Variants in ATAD3C observed in about 807,000 individuals in gnomAD.
The protein encoded by ATAD3C is ATPase family AAA domain-containing protein 3C.
A neutral mutation model predicts 46.3 loss-of-function variants in ATAD3C; 38 were observed. The ratio of observed to expected loss-of-function variants is 0.82; its 90% CI spans 0.63 to 1.08. ATAD3C has a LOEUF of 1.08. Among genes scored for constraint, ATAD3C ranks in the 50% least tolerant of loss-of-function variants. The pLI is 0.00. For synonymous variants in ATAD3C, 220 were observed against 236.4 expected (o/e 0.93, Z 0.63); for missense variants, 563 against 572.7 (o/e 0.98, Z 0.17).
At position 1,450,651 on chromosome 1, in the gene ATAD3C, C is replaced by T. The variant is rs768833292; in HGVS notation, c.-33C>T. 1.3e-6 allele frequency: 2 copies of T among 1,599,682 alleles called. No individual in the cohort carries two copies. Among genetic ancestry groups the T allele is most frequent in the South Asian group, 1.1e-5 (1 of 89,512 alleles). On this transcript the variant is annotated 5_prime_UTR_variant, in exon 1 of 12. Transcript: ENST00000378785. Reference sequence around the variant, plus strand: ...GCCCAGCGGCATCCGTGTATCCTAACACCTGCCCTCCGTGTCCCTGCATCT... The same window carrying T: ...GCCCAGCGGCATCCGTGTATCCTAATACCTGCCCTCCGTGTCCCTGCATCT...
chr1:1,458,406 C>T (rs1250270008), intron 8 of ATAD3C, among the ~76,000 whole-genome samples: 1 of 151,768 alleles, frequency 6.6e-6, no homozygotes, highest in Admixed American at 6.6e-5. Flanking sequence ...TCCCAAGTAG[C>T]TGGGATTACA....
chr1:1,459,017 C>CG lies in ATAD3C; in HGVS notation c.742-144_742-143insG, dbSNP rs1470051151. On this transcript the variant is annotated intron_variant, in intron 8 of 11. Transcript: ENST00000378785. The surrounding 1 kb of genome is among the most constrained non-coding windows in gnomAD (Gnocchi z 4.9). ...TACATTCGTGAGTCACCGCCCCTGGCCCTGGTCAGGCTTTTGAGTCTAGAT... is the reference window on the plus strand; with the variant it reads ...TACATTCGTGAGTCACCGCCCCTGGCGCCTGGTCAGGCTTTTGAGTCTAGAT... The CG allele has an allele frequency of 6.7e-7, 1 of 1,500,890 alleles. No homozygotes were observed. The highest frequency in any genetic ancestry group is 1.4e-5 in the African/African-American group (1 of 71,146). The allele number at this position is 1,500,890 out of a possible 1,614,324, so 93.0% of individuals were successfully genotyped here.
intron 3 of ATAD3C, among the ~76,000 whole-genome samples, chr1:1,453,002 C>A (rs1196399641): frequency 6.6e-6 from 1 of 151,954 alleles, no homozygotes; most frequent in Admixed American, 6.6e-5. Flanking sequence ...TGTCCTCCGT[C>A]CCCCCACCCC....
rs1639200862 is a variant in ATAD3C at position 1,469,241 on chromosome 1, A to C, written c.*711A>C. ...GTGGAGGTTGCACTGAGCTGAGACC[A>C]TGGAATTGCACTGCAGCATGGGCAA... On this transcript the variant is annotated 3_prime_UTR_variant, in exon 12 of 12. Transcript: ENST00000378785. 6.8e-6 allele frequency: 1 copy of C among 146,492 alleles called. No individual in the cohort carries two copies. Among genetic ancestry groups the C allele is most frequent in the African/African-American group, 2.5e-5 (1 of 39,640 alleles). The allele number at this position is 146,492 out of a possible 1,614,324, so 9.1% of individuals were successfully genotyped here.
rs762587555 is a variant in ATAD3C at position 1,460,926 on chromosome 1, C to T, written c.980+9C>T. On this transcript the variant is annotated intron_variant, in intron 10 of 11. Transcript: ENST00000378785. ...GCCACAGAAGGAAAGCGGTAAGTGT[C>T]CCGCCCCACCAGCCCCCGTCCAGGG... is the stretch of plus-strand genomic sequence containing the variant. 6.3e-7 allele frequency: 1 copy of T among 1,597,738 alleles called. No individual in the cohort carries two copies. The highest frequency in any genetic ancestry group is 8.5e-7 in the Non-Finnish European group (1 of 1,170,762).
rs552167689 is a variant in ATAD3C at position 1,454,329 on chromosome 1, G to C, written c.223-16G>C. The C allele has an allele frequency of 4.0e-5, 64 of 1,594,356 alleles. 3 individuals are homozygous for C. Among genetic ancestry groups the C allele is most frequent in the East Asian group, 3.0e-4 (13 of 43,538 alleles). On this transcript the variant is annotated splice_polypyrimidine_tract_variant and intron_variant, in intron 3 of 11. Transcript: ENST00000378785. ...ACGGTGGGGGCCGGTGCGCCAGTGC[G>C]GTGTCTCTGCTGCAGGTGGCTGGGC...
intron 3 of ATAD3C, among the ~76,000 whole-genome samples, chr1:1,453,145 G>A (rs1347873583): frequency 6.6e-6 from 1 of 152,110 alleles, no homozygotes; most frequent in East Asian, 1.9e-4. Context: ...TGGTGTTGCC[G>A]CCATGTTGGT....
chr1:1,452,251 C>G, intron 2 of ATAD3C, 114 bp from the exon 3 acceptor site: 1 of 1,584,048 alleles, frequency 6.3e-7, no homozygotes, highest in South Asian at 1.1e-5. Flanking sequence ...GGGACACTGC[C>G]CCCCTGTCCT....
chr1:1,468,254 T>A (rs75395365), intron 11 of ATAD3C, 130 bp from the exon 12 acceptor site: 78,570 of 1,395,148 alleles, frequency 0.056, 10,693 homozygotes, highest in East Asian at 0.44. Flanking sequence ...GAGGTGCGGG[T>A]AGCCTGTGTT....
At chr1:1,457,626 G>C (rs1638988682) in intron 8 of ATAD3C, among the ~76,000 whole-genome samples, 1 of 139,816 alleles carries the variant, frequency 7.2e-6, no homozygotes, top group African/African-American at 3.0e-5. Flanking sequence ...AAAAAAAACA[G>C]CATTTTTTTA....
intron 1 of ATAD3C, among the ~76,000 whole-genome samples, chr1:1,451,080 G>A (rs1339831417): frequency 3.3e-5 from 5 of 150,432 alleles, no homozygotes; most frequent in African/African-American, 4.9e-5. Context: ...TTGCTCTGTC[G>A]CCCAGGCTGG....
At position 1,459,906 on chromosome 1, in the gene ATAD3C, G is replaced by A. The variant is rs1419264704; in HGVS notation, c.812+675G>A. 6.6e-6 allele frequency among the ~76,000 whole-genome samples: 1 copy of A among 151,894 alleles called. No homozygotes were observed. The highest frequency in any genetic ancestry group is 6.6e-5 in the Admixed American group (1 of 15,226). On this transcript the variant is annotated intron_variant, in intron 9 of 11. Transcript: ENST00000378785. This position sits in a 1 kb window ranked among gnomAD's most constrained non-coding sequence, Gnocchi z 4.9. Reference sequence around the variant, plus strand: ...GAGGATCAAGTCCTGCTGGTCGGCCGTGGCTGACTCCTCAGGCACGTTGGG... The same window carrying A: ...GAGGATCAAGTCCTGCTGGTCGGCCATGGCTGACTCCTCAGGCACGTTGGG...
chr1:1,464,319 C>T (rs1361924339), intron 11 of ATAD3C, among the ~76,000 whole-genome samples: 1 of 151,740 alleles, frequency 6.6e-6, no homozygotes, highest in African/African-American at 2.4e-5. Context: ...GGTGCCAGCT[C>T]GGTCCCTCCC....
chr1:1,464,079 T>C (rs1639110303), intron 11 of ATAD3C, among the ~76,000 whole-genome samples: 1 of 151,226 alleles, frequency 6.6e-6, no homozygotes, highest in Non-Finnish European at 1.5e-5. Context: ...TGGTGGTGCA[T>C]GCCTGTATTC....
At chr1:1,455,173 C>T (rs926498472) in intron 4 of ATAD3C, among the ~76,000 whole-genome samples, 6 of 135,958 alleles carry the variant, frequency 4.4e-5, no homozygotes, top group African/African-American at 1.4e-4. Context: ...GCAGAGATCA[C>T]GCCACTGCAC....
chr1:1,451,634 C>T (rs571006715), intron 1 of ATAD3C, among the ~76,000 whole-genome samples: 19 of 152,220 alleles, frequency 1.2e-4, no homozygotes, highest in Non-Finnish European at 2.8e-4. Context: ...GTGTGAGCCA[C>T]GGTGCCCGGC....
At position 1,462,697 on chromosome 1, in the gene ATAD3C, G is replaced by C; in HGVS notation, c.1078G>C (p.Val360Leu). Residue 360 changes from valine to leucine, a missense_variant, in exon 11 of 12, where the codon GTG (valine) becomes CTG (leucine). By Grantham distance (32) the Val-to-Leu change is conservative (BLOSUM62 1). Coordinates refer to ENST00000378785, the MANE Select transcript of ATAD3C (RefSeq NM_001039211.3). This position sits in a 1 kb window ranked among gnomAD's most constrained non-coding sequence, Gnocchi z 4.5. Reference sequence around the variant, plus strand: ...ATGCCGGAAGATCGCACAGCTGGCCGTGTCCTGGCAGGTGAGTCAGGCTCG... The same window carrying C: ...ATGCCGGAAGATCGCACAGCTGGCCCTGTCCTGGCAGGTGAGTCAGGCTCG... ...MSCRKIAQLAVSWQATAYASK... is the reference protein window; with the variant it reads ...MSCRKIAQLALSWQATAYASK... 2.5e-6 allele frequency: 4 copies of C among 1,603,166 alleles called. 1 individual carries two copies. Among genetic ancestry groups the C allele is most frequent in the Non-Finnish European group, 3.4e-6 (4 of 1,175,326 alleles).
rs1412694438 is a variant in ATAD3C at position 1,468,267 on chromosome 1, ACGCT to A, written c.1090-115_1090-112del. 19 of 1,438,336 alleles carry A rather than the reference ACGCT, an allele frequency of 1.3e-5. No individual in the cohort carries two copies. The African/African-American group carries it at 2.8e-4, about 21-fold the overall frequency. The allele number at this position is 1,438,336 out of a possible 1,614,324, so 89.1% of individuals were successfully genotyped here. On this transcript the variant is annotated intron_variant, in intron 11 of 11. Transcript: ENST00000378785. ...CCGAGGTGCGGGTAGCCTGTGTTTC[ACGCT>A]CAGGCCATCCTGGAGCCCCTGGTTT...
chr1:1,450,749 C>T lies in ATAD3C; in HGVS notation c.66C>T (p.Ser22=), dbSNP rs767286694. ...QEQTLQLEQQ[S]KLKQLVNEDL... ...AGACGCTGCAGTTGGAGCAACAGTCCAAGCTCAAAGTGAGTGGGGCCGGTG... is the reference window on the plus strand; with the variant it reads ...AGACGCTGCAGTTGGAGCAACAGTCTAAGCTCAAAGTGAGTGGGGCCGGTG... Residue 22 remains serine, a synonymous_variant, in exon 1 of 12, where the codon TCC becomes TCT. Transcript: ENST00000378785. 5.6e-6 allele frequency: 9 copies of T among 1,612,898 alleles called. No homozygotes were observed. Among genetic ancestry groups the T allele is most frequent in the South Asian group, 3.3e-5 (3 of 90,996 alleles).
Sources: allele counts gnomAD v4.1 joint callset (sites outside exome capture counted in the v4.1 genomes callset), GRCh38; gene constraint gnomAD v4.1.1; non-coding constraint Gnocchi (gnomAD v3.1); transcripts MANE v1.5; gene names NCBI Gene and HGNC (gene_info 2026-07-23, HGNC 2026-07-21).